PHF14: variants seen among roughly 807,000 people sequenced by gnomAD.
PHF14 encodes the protein PHD finger protein 14.
In PHF14, 55 loss-of-function variants were observed where a neutral mutation model predicts 117.9. That is an observed-to-expected ratio of 0.47 (90% CI 0.38 to 0.58). The LOEUF (loss-of-function observed/expected upper bound fraction) is 0.58, where lower values mean the gene tolerates loss of function less well. Among genes scored for constraint, PHF14 ranks in the 20% least tolerant of loss-of-function variants. PHF14 has a pLI of 0.00. For synonymous variants in PHF14, 409 were observed against 368.6 expected, an observed-to-expected ratio of 1.11 and a Z score of -1.26; for missense variants, 978 against 1,122.2, an observed-to-expected ratio of 0.87 and a Z score of 1.84.
At chr7:11,123,166 C>T (rs1292012110) in intron 17 of PHF14, among the ~76,000 whole-genome samples, 1 of 152,080 alleles carries the variant, frequency 6.6e-6, no homozygotes, top group Non-Finnish European at 1.5e-5. Context: ...CTCAATACCA[C>T]ACCCATTTTG....
At chr7:11,059,891 A>G (rs944051496) in intron 14 of PHF14, among the ~76,000 whole-genome samples, 3 of 152,116 alleles carry the variant, frequency 2.0e-5, no homozygotes, top group African/African-American at 7.2e-5. Flanking sequence ...TTTTTTTGAG[A>G]CAAAGTCTCG....
intron 16 of PHF14, among the ~76,000 whole-genome samples, chr7:11,099,055 T>G (rs1562465659): frequency 6.6e-6 from 1 of 152,152 alleles, no homozygotes; most frequent in East Asian, 1.9e-4. Flanking sequence ...AGGTTTAATT[T>G]AAAAAATATT....
At chr7:11,153,769 A>T (rs922808534) in intron 17 of PHF14, among the ~76,000 whole-genome samples, 8 of 152,088 alleles carry the variant, frequency 5.3e-5, no homozygotes, top group African/African-American at 1.9e-4. Context: ...AATTGAGAAA[A>T]TTGGGTGGTT....
chr7:11,064,428 A>C (rs754785895), intron 16 of PHF14, among the ~76,000 whole-genome samples: 3 of 151,920 alleles, frequency 2.0e-5, no homozygotes, highest in Non-Finnish European at 4.4e-5. Flanking sequence ...GATATATTTC[A>C]GCGCTTACTC....
At chr7:11,016,934 T>C (rs1282909797) in intron 5 of PHF14, among the ~76,000 whole-genome samples, 1 of 152,084 alleles carries the variant, frequency 6.6e-6, no homozygotes, top group Non-Finnish European at 1.5e-5. Context: ...ACCATCCTTC[T>C]CCTGTCTGTG....
At chr7:11,085,652 C>G (rs915284260) in intron 16 of PHF14, among the ~76,000 whole-genome samples, 15 of 151,928 alleles carry the variant, frequency 9.9e-5, no homozygotes, top group Non-Finnish European at 1.9e-4. Flanking sequence ...TTGTTTTTTT[C>G]CTTTTTTTTG....
chr7:11,107,276 A>T, intron 16 of PHF14: 1 of 977,468 alleles, frequency 1.0e-6, no homozygotes, highest in Non-Finnish European at 1.2e-6. Flanking sequence ...AAGGTAAATC[A>T]TTTTTTTCCC....
intron 17 of PHF14, among the ~76,000 whole-genome samples, chr7:11,163,845 A>G (rs1789120968): frequency 6.6e-6 from 1 of 152,192 alleles, no homozygotes; most frequent in Non-Finnish European, 1.5e-5. Context: ...ATAAAACAAT[A>G]TAGTTTTTTG....
intron 17 of PHF14, among the ~76,000 whole-genome samples, chr7:11,161,307 G>T (rs1789017451): frequency 6.6e-6 from 1 of 152,034 alleles, no homozygotes; most frequent in Non-Finnish European, 1.5e-5. Context: ...AATTTTCATT[G>T]TCCAGTGAGA....
At chr7:11,110,699 G>A (rs1787415599) in intron 16 of PHF14, 1 of 160,400 alleles carries the variant, frequency 6.2e-6, no homozygotes, top group Admixed American at 6.6e-5. Flanking sequence ...CTAAATTATT[G>A]GGGTAGTGTC....
At chr7:10,987,315 C>G (rs1283968423) in intron 3 of PHF14, among the ~76,000 whole-genome samples, 1 of 151,986 alleles carries the variant, frequency 6.6e-6, no homozygotes, top group African/African-American at 2.4e-5. Context: ...CAGTAGGATT[C>G]TTTTAATTCT....
intron 16 of PHF14, among the ~76,000 whole-genome samples, chr7:11,085,051 A>AT (rs1427457424): frequency 5.3e-5 from 8 of 151,706 alleles, no homozygotes; most frequent in East Asian, 1.9e-4. Flanking sequence ...TGAAATTTAC[A>AT]TTTTTTTGTG....
At chr7:11,010,779 C>T (rs1018012751) in intron 4 of PHF14, among the ~76,000 whole-genome samples, 3 of 152,042 alleles carry the variant, frequency 2.0e-5, no homozygotes, top group Admixed American at 6.6e-5. Flanking sequence ...GCCTTTCTAG[C>T]ACCTGAGACT....
chr7:11,081,877 T>C (rs1786122567), intron 16 of PHF14, among the ~76,000 whole-genome samples: 1 of 151,864 alleles, frequency 6.6e-6, no homozygotes, highest in Non-Finnish European at 1.5e-5. Flanking sequence ...AAGAGATTTA[T>C]GATCTTAATT....
intron 16 of PHF14, chr7:11,104,227 T>G (rs1199127966): frequency 2.0e-6 from 2 of 984,542 alleles, no homozygotes; most frequent in African/African-American, 3.5e-5. Flanking sequence ...ATCTTGCATT[T>G]TCAGTGGTGG....
chr7:11,133,184 T>C (rs981462463), intron 17 of PHF14, among the ~76,000 whole-genome samples: 4 of 151,954 alleles, frequency 2.6e-5, no homozygotes, highest in African/African-American at 9.7e-5. Context: ...CAAGTTATTT[T>C]GTGGATTTTG....
chr7:11,009,835 C>G (rs1583361072), intron 4 of PHF14, among the ~76,000 whole-genome samples: 2 of 152,218 alleles, frequency 1.3e-5, no homozygotes, highest in African/African-American at 4.8e-5. Context: ...CAACACCATT[C>G]TTCCAGATTA....
chr7:11,039,770 G>A (rs570545143), intron 11 of PHF14, among the ~76,000 whole-genome samples: 2 of 152,224 alleles, frequency 1.3e-5, no homozygotes, highest in African/African-American at 4.8e-5. Flanking sequence ...AATGTGTGTG[G>A]CTTGTATCCT....
chr7:10,993,384 G>T (rs1001003039), intron 4 of PHF14, among the ~76,000 whole-genome samples: 3 of 152,110 alleles, frequency 2.0e-5, no homozygotes, highest in African/African-American at 7.2e-5. Flanking sequence ...TCTAGCTAAT[G>T]CTCTGATCTT....
Sources: allele counts gnomAD v4.1 joint callset (sites outside exome capture counted in the v4.1 genomes callset), GRCh38; gene constraint gnomAD v4.1.1; transcripts MANE v1.5; gene names NCBI Gene and HGNC (gene_info 2026-07-23, HGNC 2026-07-21).